Variants in NDRG3 observed in about 807,000 individuals in gnomAD.
NDRG3 encodes the protein protein NDRG3.
A neutral mutation model predicts 57.2 loss-of-function variants in NDRG3; 23 were observed. The observed-to-expected ratio is 0.40, with a 90% CI of 0.29 to 0.57. The LOEUF (loss-of-function observed/expected upper bound fraction) is 0.57. NDRG3 is among the 20% of genes least tolerant of loss of function. The pLI is 0.42. For synonymous variants in NDRG3, 132 were observed against 162.6 expected (o/e 0.81, Z 1.43); for missense variants, 384 against 457.3 (o/e 0.84, Z 1.46).
intron 1 of NDRG3, among the ~76,000 whole-genome samples, chr20:36,725,346 A>G (rs548590179): frequency 4.6e-5 from 7 of 152,066 alleles, no homozygotes; most frequent in African/African-American, 1.7e-4. Flanking sequence ...ATGGTGGCTC[A>G]CGCCTGTAAT....
intron 8 of NDRG3, among the ~76,000 whole-genome samples, chr20:36,675,334 A>G (rs1980582958): frequency 7.0e-6 from 1 of 142,238 alleles, no homozygotes; most frequent in Admixed American, 7.5e-5. Flanking sequence ...TGCGGAGATT[A>G]CAGGCATGAG....
intron 1 of NDRG3, 47 bp from the exon 2 acceptor site, chr20:36,721,830 T>C (rs1984612277): frequency 3.5e-6 from 3 of 866,096 alleles, no homozygotes; most frequent in Non-Finnish European, 5.6e-6. Context: ...AAGCCAGAAG[T>C]TGGAAACATA....
intron 3 of NDRG3, among the ~76,000 whole-genome samples, chr20:36,705,312 A>T (rs1983482639): frequency 6.9e-6 from 1 of 145,128 alleles, no homozygotes; most frequent in Non-Finnish European, 1.5e-5. Flanking sequence ...ACTGAGCAAG[A>T]CTCTGTCTCA....
intron 2 of NDRG3, among the ~76,000 whole-genome samples, chr20:36,710,235 G>A (rs1983785819): frequency 6.6e-6 from 1 of 152,066 alleles, no homozygotes; most frequent in Admixed American, 6.6e-5. Flanking sequence ...GAGGTGGGAG[G>A]ATCACTTGAG....
chr20:36,656,611 C>T (rs1466977914), intron 13 of NDRG3, 79 bp from the exon 14 acceptor site: 3 of 1,503,054 alleles, frequency 2.0e-6, no homozygotes, highest in Non-Finnish European at 2.8e-6. Flanking sequence ...TCCTTTCAAA[C>T]AGAACAAGAT....
chr20:36,715,064 A>G, intron 2 of NDRG3, among the ~76,000 whole-genome samples: 1 of 96,216 alleles, frequency 1.0e-5, no homozygotes, highest in East Asian at 3.2e-4. Context: ...ATTATATTTA[A>G]GTATCTATAG....
At chr20:36,684,336 T>A in intron 6 of NDRG3, 77 bp downstream of exon 6, 2 of 1,223,398 alleles carry the variant, frequency 1.6e-6, no homozygotes, top group South Asian at 2.5e-5. Flanking sequence ...AACCATCATA[T>A]CCTCTGAAAC....
At chr20:36,713,607 T>TA (rs1600942201) in intron 2 of NDRG3, among the ~76,000 whole-genome samples, 1 of 152,114 alleles carries the variant, frequency 6.6e-6, no homozygotes, top group East Asian at 1.9e-4. Context: ...ATGAGATAGA[T>TA]AAGACCTTAG....
At chr20:36,688,836 T>C in intron 3 of NDRG3, 52 bp from the exon 4 acceptor site, 1 of 1,375,388 alleles carries the variant, frequency 7.3e-7, no homozygotes, top group Non-Finnish European at 1.0e-6. Flanking sequence ...ACTTCCCAGG[T>C]TGCCAAAGTT....
At chr20:36,707,584 T>C (rs1193614070) in intron 2 of NDRG3, among the ~76,000 whole-genome samples, 1 of 152,142 alleles carries the variant, frequency 6.6e-6, no homozygotes, top group Non-Finnish European at 1.5e-5. Flanking sequence ...ATCTGTTGCA[T>C]CCTATGAAAT....
intron 8 of NDRG3, among the ~76,000 whole-genome samples, chr20:36,675,017 A>C (rs1980540560): frequency 7.2e-6 from 1 of 139,460 alleles, no homozygotes; most frequent in Non-Finnish European, 1.5e-5. Flanking sequence ...ACCTCAGCTT[A>C]CCGAGTAGCT....
intron 2 of NDRG3, among the ~76,000 whole-genome samples, chr20:36,719,274 A>G (rs1318230288): frequency 6.6e-6 from 1 of 152,028 alleles, no homozygotes; most frequent in African/African-American, 2.4e-5. Context: ...TCAAAATACA[A>G]AAATTAGCTG....
chr20:36,684,842 T>A (rs964226019), intron 5 of NDRG3, among the ~76,000 whole-genome samples: 2 of 140,046 alleles, frequency 1.4e-5, no homozygotes, highest in African/African-American at 5.5e-5. Flanking sequence ...AGAGCAAAAC[T>A]CCGCCTCAAA....
chr20:36,742,395 T>G (rs543912671), intron 1 of NDRG3, among the ~76,000 whole-genome samples: 2 of 152,206 alleles, frequency 1.3e-5, no homozygotes, highest in Non-Finnish European at 2.9e-5. Context: ...TTTCAAGTTG[T>G]AGCCAGTTCT....
At chr20:36,682,626 G>A in intron 6 of NDRG3, 48 bp from the exon 7 acceptor site, 1 of 1,495,068 alleles carries the variant, frequency 6.7e-7, no homozygotes. Context: ...TTCATTTGCA[G>A]GCAGCATTGC....
At chr20:36,726,861 G>A (rs188499642) in intron 1 of NDRG3, among the ~76,000 whole-genome samples, 1 of 151,992 alleles carries the variant, frequency 6.6e-6, no homozygotes, top group Non-Finnish European at 1.5e-5. Context: ...TTATAATCTC[G>A]GCACCTTATG....
chr20:36,700,106 T>A (rs1354298610), intron 3 of NDRG3, among the ~76,000 whole-genome samples: 1 of 114,106 alleles, frequency 8.8e-6, no homozygotes. Flanking sequence ...AGAGTGACAA[T>A]CAGTCTCAAA....
intron 2 of NDRG3, among the ~76,000 whole-genome samples, chr20:36,714,298 G>A (rs1053816179): frequency 2.7e-5 from 4 of 150,880 alleles, no homozygotes; most frequent in South Asian, 2.1e-4. Context: ...CCAGCTACTC[G>A]GGAGGCTGAG....
chr20:36,710,958 C>T (rs537319412), intron 2 of NDRG3, among the ~76,000 whole-genome samples: 3 of 151,434 alleles, frequency 2.0e-5, no homozygotes, highest in South Asian at 2.1e-4. Context: ...CCAGCCTGGG[C>T]AACAGAGCAA....
Sources: gnomAD v4.1 joint callset for allele counts (sites outside exome capture counted in the v4.1 genomes callset) on GRCh38, gnomAD v4.1.1 for gene constraint, MANE v1.5 for transcripts, NCBI Gene and HGNC (gene_info 2026-07-23, HGNC 2026-07-21) for gene names.